The following CNTN5 variants were observed in gnomAD, a reference collection of about 807,000 sequenced individuals.
CNTN5 encodes contactin-5.
CNTN5 carries 77 observed loss-of-function variants against 129.1 expected under a neutral mutation model. That is an observed-to-expected ratio of 0.60 (90% CI 0.50 to 0.72). The LOEUF (loss-of-function observed/expected upper bound fraction) is 0.72, where lower values mean the gene tolerates loss of function less well. Ranked by LOEUF, CNTN5 falls within the 30% of genes least tolerant of loss-of-function variation. The pLI is 0.00. For synonymous variants in CNTN5, 509 were observed against 465.6 expected, an observed-to-expected ratio of 1.09 and a Z score of -1.20; for missense variants, 1,478 against 1,328.8, an observed-to-expected ratio of 1.11 and a Z score of -1.75.
At chr11:100,032,224 T>C (rs1024565443) in intron 9 of CNTN5, among the ~76,000 whole-genome samples, 1 of 152,188 alleles carries the variant, frequency 6.6e-6, no homozygotes, top group African/African-American at 2.4e-5. Context: ...ACAGTATCAT[T>C]AGATGCAGCA....
At chr11:99,076,819 AAG>A (rs1865596122) in intron 1 of CNTN5, among the ~76,000 whole-genome samples, 1 of 152,220 alleles carries the variant, frequency 6.6e-6, no homozygotes, top group African/African-American at 2.4e-5. Flanking sequence ...GATTAAAGGA[AAG>A]AGAAATCTGA....
intron 3 of CNTN5, among the ~76,000 whole-genome samples, chr11:99,609,817 T>G (rs777456415): frequency 5.3e-5 from 8 of 152,132 alleles, no homozygotes; most frequent in Non-Finnish European, 1.2e-4. Flanking sequence ...CTGGCTCAAC[T>G]GTTTACTGGG....
rs1950384371 is a variant in CNTN5 at position 100,270,176 on chromosome 11, CTT to C, written c.2165-914_2165-913del. 2.0e-5 allele frequency among the ~76,000 whole-genome samples: 3 copies of C among 152,314 alleles called. No homozygotes were observed. In the South Asian group the frequency reaches 6.2e-4, roughly 32 times the overall value. On this transcript the variant is annotated intron_variant, in intron 17 of 24. Transcript: ENST00000524871. ...CACTGCCTATGCTCTGAGCATTCAC[CTT>C]TCACAGAGCTACTTATTTGGTAACA...
At chr11:99,487,190 G>A (rs1434836111) in intron 2 of CNTN5, among the ~76,000 whole-genome samples, 4 of 152,310 alleles carry the variant, frequency 2.6e-5, no homozygotes, top group Non-Finnish European at 4.4e-5. Context: ...TTACCATCAC[G>A]TGTCCACCAC....
chr11:100,309,536 A>G, intron 21 of CNTN5: 1 of 974,130 alleles, frequency 1.0e-6, no homozygotes, highest in African/African-American at 1.8e-5. Context: ...ATTATTTGGA[A>G]TGATAATTTA....
intron 1 of CNTN5, among the ~76,000 whole-genome samples, chr11:99,140,516 C>T (rs963110509): frequency 6.6e-6 from 1 of 151,330 alleles, no homozygotes; most frequent in African/African-American, 2.4e-5. Context: ...TCAGACTAGG[C>T]CTTTCAGTAT....
intron 1 of CNTN5, among the ~76,000 whole-genome samples, chr11:99,038,446 C>A (rs891032766): frequency 2.6e-5 from 4 of 152,058 alleles, no homozygotes; most frequent in African/African-American, 9.7e-5. Flanking sequence ...GATCAGTATT[C>A]TCCTTCTAGC....
At chr11:99,615,512 G>A (rs1376799727) in intron 3 of CNTN5, among the ~76,000 whole-genome samples, 1 of 152,068 alleles carries the variant, frequency 6.6e-6, no homozygotes, top group East Asian at 1.9e-4. Flanking sequence ...TTCTTCTGAT[G>A]ATGACAGCTT....
At chr11:100,305,695 G>A (rs1951332714) in intron 20 of CNTN5, among the ~76,000 whole-genome samples, 1 of 151,528 alleles carries the variant, frequency 6.6e-6, no homozygotes, top group South Asian at 2.1e-4. Flanking sequence ...AGCTACTTGT[G>A]TCTGCAGACC....
intron 16 of CNTN5, among the ~76,000 whole-genome samples, chr11:100,231,700 A>G (rs1949493342): frequency 6.6e-6 from 1 of 152,186 alleles, no homozygotes; most frequent in Non-Finnish European, 1.5e-5. Flanking sequence ...AGATGTGGAG[A>G]TAAGTGGATT....
intron 20 of CNTN5, among the ~76,000 whole-genome samples, chr11:100,302,731 A>G (rs865835570): frequency 4.0e-5 from 6 of 151,700 alleles, no homozygotes; most frequent in African/African-American, 1.4e-4. Flanking sequence ...CTATTTCCCA[A>G]TGGAACATGG....
At chr11:99,984,514 G>A (rs535700992) in intron 8 of CNTN5, among the ~76,000 whole-genome samples, 128 of 150,678 alleles carry the variant, frequency 8.5e-4, no homozygotes, top group Admixed American at 1.8e-3. Context: ...TTTTGTTTTT[G>A]TTTTCATTTT....
At chr11:99,491,430 C>T (rs866578963) in intron 2 of CNTN5, among the ~76,000 whole-genome samples, 3 of 152,024 alleles carry the variant, frequency 2.0e-5, no homozygotes, top group African/African-American at 4.8e-5. Context: ...TATTGACTCC[C>T]GGTGGAAGTA....
intron 1 of CNTN5, among the ~76,000 whole-genome samples, chr11:99,261,027 C>A (rs576085649): frequency 2.0e-5 from 3 of 151,812 alleles, no homozygotes; most frequent in South Asian, 4.2e-4. Context: ...TAGAATGATC[C>A]CCTTTTTCAA....
chr11:99,955,437 A>G (rs1367268979), intron 7 of CNTN5, among the ~76,000 whole-genome samples: 2 of 152,066 alleles, frequency 1.3e-5, no homozygotes, highest in Non-Finnish European at 2.9e-5. Context: ...ACAGTAAAAA[A>G]CACTTTTCTT....
chr11:99,123,458 T>C (rs1460486718), intron 1 of CNTN5, among the ~76,000 whole-genome samples: 1 of 152,118 alleles, frequency 6.6e-6, no homozygotes, highest in Non-Finnish European at 1.5e-5. Flanking sequence ...GTCAGATGCA[T>C]AGTTTGCAAA....
intron 6 of CNTN5, among the ~76,000 whole-genome samples, chr11:99,865,114 T>C (rs933194360): frequency 2.6e-5 from 4 of 152,170 alleles, no homozygotes; most frequent in African/African-American, 9.7e-5. Context: ...CTTGAGACCT[T>C]GTATTCATTC....
chr11:99,316,624 C>T (rs1202530152), intron 1 of CNTN5, among the ~76,000 whole-genome samples: 4 of 151,700 alleles, frequency 2.6e-5, no homozygotes, highest in Non-Finnish European at 5.9e-5. Context: ...TAATTCAAGC[C>T]ATTTTCTCCC....
At chr11:99,073,803 CTT>C (rs1486332054) in intron 1 of CNTN5, among the ~76,000 whole-genome samples, 1 of 151,794 alleles carries the variant, frequency 6.6e-6, no homozygotes, top group Non-Finnish European at 1.5e-5. Context: ...TCTTCCAAGT[CTT>C]TGCTATTGTA....
Sources: allele counts gnomAD v4.1 joint callset (sites outside exome capture counted in the v4.1 genomes callset), GRCh38; gene constraint gnomAD v4.1.1; transcripts MANE v1.5; gene names NCBI Gene and HGNC (gene_info 2026-07-23, HGNC 2026-07-21).